RB1CC1: variants seen among roughly 807,000 people sequenced by gnomAD.
The protein encoded by RB1CC1 is RB1-inducible coiled-coil protein 1.
RB1CC1 carries 46 observed loss-of-function variants against 177.5 expected under a neutral mutation model. That is an observed-to-expected ratio of 0.26 (90% CI 0.20 to 0.33). The LOEUF (loss-of-function observed/expected upper bound fraction) is 0.33. Ranked by LOEUF, RB1CC1 falls within the 10% of genes least tolerant of loss-of-function variation. RB1CC1 has a pLI of 1.00. For synonymous variants in RB1CC1, 666 were observed against 613.6 expected (o/e 1.09, Z -1.26); for missense variants, 1,703 against 1,816.3 (o/e 0.94, Z 1.13).
intron 20 of RB1CC1, among the ~76,000 whole-genome samples, chr8:52,633,128 CAT>C (rs1352746914): frequency 6.6e-6 from 1 of 152,150 alleles, no homozygotes; most frequent in African/African-American, 2.4e-5. Flanking sequence ...GTTGATATCT[CAT>C]GTTTCCCTAA....
rs1848197490 is a variant in RB1CC1 at position 52,623,788 on chromosome 8, T to C, written c.4779A>G (p.Lys1593=). 6.3e-7 allele frequency: 1 copy of C among 1,596,584 alleles called. No individual in the cohort carries two copies. Among genetic ancestry groups the C allele is most frequent in the African/African-American group, 1.3e-5 (1 of 74,486 alleles). The change falls in exon 24 of 24, where the codon AAA becomes AAG. Residue 1593 remains lysine, a synonymous_variant. Coordinates refer to ENST00000025008, the MANE Select transcript of RB1CC1 (RefSeq NM_014781.5). Reference sequence around the variant, plus strand: ...TATTAATTTTGTCCATAAGTTATACTTTCTTATTCCATGATACGGCTTTCA... The same window carrying C: ...TATTAATTTTGTCCATAAGTTATACCTTCTTATTCCATGATACGGCTTTCA... ...YRVKAVSWNK[K]V is the part of the protein sequence containing the mutation.
intron 18 of RB1CC1, among the ~76,000 whole-genome samples, chr8:52,636,440 A>T (rs1240717095): frequency 2.6e-5 from 4 of 152,186 alleles, no homozygotes; most frequent in Non-Finnish European, 5.9e-5. Context: ...GATGCTATGT[A>T]CTCACTAGTT....
chr8:52,651,394 G>C (rs944440347), intron 15 of RB1CC1, among the ~76,000 whole-genome samples: 6 of 152,236 alleles, frequency 3.9e-5, no homozygotes, highest in South Asian at 4.1e-4. Flanking sequence ...AAATGGTACA[G>C]TTGGGTAGTT....
intron 21 of RB1CC1, 93 bp downstream of exon 21, chr8:52,630,377 C>A: frequency 7.0e-7 from 1 of 1,426,840 alleles, no homozygotes; most frequent in Non-Finnish European, 9.3e-7. Flanking sequence ...CTCAATGAAC[C>A]TGGACCTGAA....
At chr8:52,671,424 T>C (rs1591038702) in intron 7 of RB1CC1, among the ~76,000 whole-genome samples, 1 of 152,210 alleles carries the variant, frequency 6.6e-6, no homozygotes, top group Non-Finnish European at 1.5e-5. Flanking sequence ...ATCAGGTAGG[T>C]TAGTTGTTTT....
intron 2 of RB1CC1, chr8:52,686,271 C>T (rs1854269193): frequency 6.6e-6 from 1 of 152,314 alleles, no homozygotes; most frequent in African/African-American, 2.4e-5. Context: ...CAACAAGCCA[C>T]AGTGGCTCAT....
At chr8:52,682,577 G>A (rs17337343) in intron 5 of RB1CC1, among the ~76,000 whole-genome samples, 32,427 of 151,044 alleles carry the variant, frequency 0.21, 4,008 homozygotes, top group Non-Finnish European at 0.27. Flanking sequence ...TCATTCTTTC[G>A]TTGAATATAG....
At position 52,631,714 on chromosome 8, in the gene RB1CC1, C is replaced by T. The variant is rs149669841; in HGVS notation, c.4441-1186G>A. Among the ~76,000 whole-genome samples, 114 of 152,290 alleles carry T rather than the reference C, an allele frequency of 7.5e-4. 1 individual carries two copies. Among genetic ancestry groups the T allele is most frequent in the African/African-American group, 2.5e-3 (105 of 41,564 alleles). ...TCCTGCCTTAAGGTCCATATATGCT[C>T]GTCGGGAAAATTCACCACAGCGTGC... is the stretch of plus-strand genomic sequence containing the variant. On this transcript the variant is annotated intron_variant, in intron 20 of 23. Coordinates refer to ENST00000025008, the MANE Select transcript of RB1CC1 (RefSeq NM_014781.5).
chr8:52,675,470 CCATTAT>C (rs1311362396), intron 6 of RB1CC1, among the ~76,000 whole-genome samples: 1 of 151,950 alleles, frequency 6.6e-6, no homozygotes, highest in Non-Finnish European at 1.5e-5. Flanking sequence ...TGCTGAATTA[CCATTAT>C]ATTTTCAGGT....
intron 18 of RB1CC1, among the ~76,000 whole-genome samples, chr8:52,641,405 TTAAAATAAAA>T (rs754857648): frequency 1.6e-5 from 2 of 126,124 alleles, no homozygotes; most frequent in South Asian, 2.5e-4. Flanking sequence ...AAAAAAAAAA[TTAAAATAAAA>T]TAAAATAAAA....
chr8:52,633,974 G>A (rs1457394041), intron 20 of RB1CC1, among the ~76,000 whole-genome samples: 1 of 152,136 alleles, frequency 6.6e-6, no homozygotes, highest in Non-Finnish European at 1.5e-5. Context: ...AAAATTAGCT[G>A]GGTGCAGCGG....
At chr8:52,680,710 A>G (rs746567764) in intron 5 of RB1CC1, among the ~76,000 whole-genome samples, 9 of 152,234 alleles carry the variant, frequency 5.9e-5, no homozygotes, top group Non-Finnish European at 1.3e-4. Flanking sequence ...ATAGAATACA[A>G]TGCAGCAAAG....
At chr8:52,645,003 C>T (rs921495736) in intron 16 of RB1CC1, among the ~76,000 whole-genome samples, 29 of 152,144 alleles carry the variant, frequency 1.9e-4, no homozygotes, top group African/African-American at 7.0e-4. Flanking sequence ...AGTGGGTGAT[C>T]TTCATTAAGC....
chr8:52,684,511 T>C (rs1378019772), intron 3 of RB1CC1, among the ~76,000 whole-genome samples: 2 of 152,344 alleles, frequency 1.3e-5, no homozygotes, highest in East Asian at 3.9e-4. Context: ...TTTGCTATTA[T>C]GGTCACTATA....
intron 15 of RB1CC1, among the ~76,000 whole-genome samples, chr8:52,646,329 AC>A (rs1020447995): frequency 7.2e-5 from 11 of 152,150 alleles, no homozygotes; most frequent in Non-Finnish European, 1.6e-4. Flanking sequence ...ACAAAAAAAA[AC>A]AACAGCCAAG....
Position 52,623,370 on chromosome 8 carries a change from CAA to C in RB1CC1, c.*410_*411del. The C allele has an allele frequency of 3.5e-6, 1 of 285,420 alleles. No individual in the cohort carries two copies. The highest frequency in any genetic ancestry group is 6.9e-6 in the Non-Finnish European group (1 of 144,992). 17.7% of individuals were successfully genotyped at this position (285,420 alleles called of 1,614,324 possible). A position where few individuals can be genotyped will look rare whatever the true frequency, so the allele number is the denominator to read the frequency against. ...TTTATAAAGAATGTGTTAAAGAGTGCAAGTATTCTGATACTGATTTCACAAAA... is the reference window on the plus strand; with the variant it reads ...TTTATAAAGAATGTGTTAAAGAGTGCGTATTCTGATACTGATTTCACAAAA... On this transcript the variant is annotated 3_prime_UTR_variant, in exon 24 of 24. Coordinates refer to ENST00000025008, the MANE Select transcript of RB1CC1 (RefSeq NM_014781.5).
Position 52,636,071 on chromosome 8 carries a change from TAA to T in RB1CC1, c.4338-4_4338-3del. On this transcript the variant is annotated splice_polypyrimidine_tract_variant and splice_region_variant and intron_variant, in intron 18 of 23. Transcript: ENST00000025008. ...TCAGACAACATATGAATATTTTCTCTAAAAGTGAGAATAATTGAGTTTCAGTT... is the reference window on the plus strand; with the variant it reads ...TCAGACAACATATGAATATTTTCTCTAAGTGAGAATAATTGAGTTTCAGTT... 6.2e-7 allele frequency: 1 copy of T among 1,602,118 alleles called. No homozygotes were observed. Among genetic ancestry groups the T allele is most frequent in the Non-Finnish European group, 8.5e-7 (1 of 1,176,670 alleles).
chr8:52,649,505 T>C (rs1156916222), intron 15 of RB1CC1, among the ~76,000 whole-genome samples: 1 of 152,192 alleles, frequency 6.6e-6, no homozygotes, highest in Non-Finnish European at 1.5e-5. Context: ...AAATGGGGCC[T>C]AGTAAACAAT....
intron 7 of RB1CC1, 127 bp from the exon 8 acceptor site, chr8:52,668,318 G>T: frequency 1.9e-6 from 2 of 1,056,964 alleles, no homozygotes; most frequent in Non-Finnish European, 2.7e-6. Flanking sequence ...AAAAGCATGG[G>T]AACTCTAAGT....
Sources: allele counts gnomAD v4.1 joint callset (sites outside exome capture counted in the v4.1 genomes callset), GRCh38; gene constraint gnomAD v4.1.1; transcripts MANE v1.5; gene names NCBI Gene and HGNC (gene_info 2026-07-23, HGNC 2026-07-21).